The following ATAD2B variants were observed in gnomAD, a reference collection of about 807,000 sequenced individuals.
ATAD2B encodes the protein ATPase family AAA domain containing 2B, also known as ATPase family AAA domain-containing protein 2B.
Under a neutral mutation model 167.6 loss-of-function variants are expected in ATAD2B, and 40 were observed. That is an observed-to-expected ratio of 0.24 (90% CI 0.19 to 0.31). ATAD2B has a LOEUF of 0.31. Ranked by LOEUF, ATAD2B falls within the 10% of genes least tolerant of loss-of-function variation. The pLI is 1.00. For synonymous variants in ATAD2B, 579 were observed against 596.5 expected, an observed-to-expected ratio of 0.97 and a Z score of 0.43; for missense variants, 1,242 against 1,757.2, an observed-to-expected ratio of 0.71 and a Z score of 5.24.
the ATAD2B span, among the ~76,000 whole-genome samples, chr2:23,680,447 G>A: frequency 2.0e-5 from 3 of 152,202 alleles, no homozygotes; most frequent in African/African-American, 7.2e-5. The surrounding 1 kb of genome is among the most constrained non-coding windows in gnomAD (Gnocchi z 4.1). Flanking sequence ...AGGGTGTGCA[G>A]TCCCACAGAC....
At chr2:23,801,410 A>C (rs2149477393) in intron 18 of ATAD2B, among the ~76,000 whole-genome samples, 1 of 152,116 alleles carries the variant, frequency 6.6e-6, no homozygotes, top group Admixed American at 6.6e-5. Context: ...CTTGGGAACA[A>C]GTGATGCCAT....
intron 16 of ATAD2B, among the ~76,000 whole-genome samples, chr2:23,823,019 G>T (rs571574027): frequency 2.0e-5 from 3 of 148,400 alleles, no homozygotes; most frequent in South Asian, 4.4e-4. Flanking sequence ...TCTAAAGATA[G>T]TAATAGCCCT....
At chr2:23,765,684 A>G (rs1488304206) in intron 22 of ATAD2B, 56 bp from the exon 23 acceptor site, 1 of 1,120,524 alleles carries the variant, frequency 8.9e-7, no homozygotes, top group Non-Finnish European at 1.2e-6. Flanking sequence ...AACATTAACA[A>G]AGGACATCTT....
At chr2:23,913,167 A>AACTG (rs1275231416) in intron 1 of ATAD2B, among the ~76,000 whole-genome samples, 2 of 152,254 alleles carry the variant, frequency 1.3e-5, no homozygotes, top group African/African-American at 4.8e-5. Context: ...GCACACAATA[A>AACTG]ACATTTACCA....
At chr2:23,860,439 C>T (rs1476903165) in intron 12 of ATAD2B, among the ~76,000 whole-genome samples, 1 of 152,176 alleles carries the variant, frequency 6.6e-6, no homozygotes, top group African/African-American at 2.4e-5. Context: ...TTTGCAGTGT[C>T]ATTTTTCTCA....
At chr2:23,767,915 A>G (rs2149337504) in intron 22 of ATAD2B, among the ~76,000 whole-genome samples, 1 of 152,300 alleles carries the variant, frequency 6.6e-6, no homozygotes, top group East Asian at 1.9e-4. Flanking sequence ...AAACAAAAAA[A>G]AAAACAGAAT....
At chr2:23,879,926 C>T (rs1490988953) in intron 7 of ATAD2B, among the ~76,000 whole-genome samples, 5 of 152,022 alleles carry the variant, frequency 3.3e-5, no homozygotes, top group Admixed American at 1.3e-4. Flanking sequence ...GATGTGGTTG[C>T]GGGCACCTGT....
the ATAD2B span, among the ~76,000 whole-genome samples, chr2:23,733,932 T>C: frequency 1.2e-4 from 19 of 152,204 alleles, no homozygotes; most frequent in Non-Finnish European, 2.1e-4. Flanking sequence ...GAAACACCCA[T>C]AGTTGCCTAA....
intron 25 of ATAD2B, 87 bp from the exon 26 acceptor site, chr2:23,754,861 C>T (rs934399044): frequency 3.7e-6 from 5 of 1,340,110 alleles, no homozygotes; most frequent in African/African-American, 3.0e-5. Context: ...TTACCTACCA[C>T]ACAAATCCCT....
intron 17 of ATAD2B, among the ~76,000 whole-genome samples, chr2:23,818,531 G>C (rs1325614177): frequency 6.6e-6 from 1 of 151,448 alleles, no homozygotes; most frequent in African/African-American, 2.4e-5. Flanking sequence ...AACATATGAA[G>C]AAAAAAAGAG....
intron 21 of ATAD2B, among the ~76,000 whole-genome samples, chr2:23,783,336 G>T (rs1478118768): frequency 2.7e-5 from 4 of 148,974 alleles, no homozygotes; most frequent in African/African-American, 9.9e-5. Context: ...ATAATGTATG[G>T]GCAAAAGTTC....
the ATAD2B span, among the ~76,000 whole-genome samples, chr2:23,694,565 T>A: frequency 6.6e-6 from 1 of 152,236 alleles, no homozygotes; most frequent in Non-Finnish European, 1.5e-5. Flanking sequence ...GCAGTCCTTG[T>A]TGAGCATGAG....
chr2:23,755,132 C>G (rs1454114031), intron 25 of ATAD2B: 1 of 156,128 alleles, frequency 6.4e-6, no homozygotes, highest in Non-Finnish European at 1.4e-5. Flanking sequence ...CTTTCAGAAC[C>G]ACAAGAAGGG....
the ATAD2B span, among the ~76,000 whole-genome samples, chr2:23,741,834 A>C: frequency 6.6e-6 from 1 of 152,228 alleles, no homozygotes; most frequent in East Asian, 1.9e-4. Context: ...CAGAATCTAC[A>C]ATGAACTCAA....
At chr2:23,794,637 C>T (rs1170674947) in intron 19 of ATAD2B, among the ~76,000 whole-genome samples, 2 of 151,990 alleles carry the variant, frequency 1.3e-5, no homozygotes, top group Non-Finnish European at 2.9e-5. Flanking sequence ...TTTAAATATA[C>T]TATTTTGCTA....
At chr2:23,868,663 C>T (rs571997072) in intron 9 of ATAD2B, among the ~76,000 whole-genome samples, 12 of 149,630 alleles carry the variant, frequency 8.0e-5, no homozygotes, top group South Asian at 6.3e-4. Context: ...CCATTTTTTT[C>T]AAAAAAAAAC....
rs888115003 is a variant in ATAD2B, at chr2:23,749,958, C to G, written c.*2088G>C. On this transcript the variant is annotated 3_prime_UTR_variant, in exon 28 of 28. Coordinates refer to ENST00000238789, the MANE Select transcript of ATAD2B (RefSeq NM_017552.4). ...TTAAAAAAAAATAGTGCAGCAAGAACCTGAGACTTGCAAAAAACCCTTTTA... is the reference window on the plus strand; with the variant it reads ...TTAAAAAAAAATAGTGCAGCAAGAAGCTGAGACTTGCAAAAAACCCTTTTA... The G allele has an allele frequency of 6.6e-6, 1 of 151,766 alleles. No homozygotes were observed. Among genetic ancestry groups the G allele is most frequent in the South Asian group, 2.1e-4 (1 of 4,820 alleles). 9.4% of individuals were successfully genotyped at this position (151,766 alleles called of 1,614,324 possible). A position where few individuals can be genotyped will look rare whatever the true frequency, so the allele number is the denominator to read the frequency against.
At chr2:23,926,238 G>A (rs943193256) in intron 1 of ATAD2B, among the ~76,000 whole-genome samples, 1 of 152,128 alleles carries the variant, frequency 6.6e-6, no homozygotes, top group Non-Finnish European at 1.5e-5. Context: ...TTGCTTCCCC[G>A]CTAGAATTCC....
intron 12 of ATAD2B, among the ~76,000 whole-genome samples, chr2:23,861,089 G>A (rs778229975): frequency 2.6e-5 from 4 of 151,972 alleles, no homozygotes; most frequent in Non-Finnish European, 4.4e-5. Context: ...CAGTGCTTTG[G>A]GAGTGTTGAT....
Sources: gnomAD v4.1 joint callset for allele counts (sites outside exome capture counted in the v4.1 genomes callset) on GRCh38, gnomAD v4.1.1 for gene constraint, Gnocchi (gnomAD v3.1) non-coding constraint, MANE v1.5 for transcripts, NCBI Gene and HGNC (gene_info 2026-07-23, HGNC 2026-07-21) for gene names.